Variants in AGK observed in about 807,000 individuals in gnomAD.
AGK encodes acylglycerol kinase, also known as acylglycerol kinase, mitochondrial.
In AGK, 52 loss-of-function variants were observed where a neutral mutation model predicts 66.4. The observed-to-expected ratio is 0.78, with a 90% confidence interval of 0.63 to 0.99. AGK has a LOEUF of 0.99. Ranked by LOEUF, AGK falls within the 50% of genes least tolerant of loss-of-function variation. The pLI, the probability that AGK is intolerant of heterozygous loss-of-function variation, is 0.00. For synonymous variants in AGK, 182 were observed against 181.1 expected (o/e 1.00, Z -0.04); for missense variants, 451 against 506.6 (o/e 0.89, Z 1.05).
intron 9 of AGK, among the ~76,000 whole-genome samples, chr7:141,622,616 G>A (rs528981218): frequency 7.9e-5 from 12 of 152,286 alleles, no homozygotes; most frequent in Middle Eastern, 3.4e-3. Flanking sequence ...AAATGTGTGC[G>A]TTGACTGCTC....
At chr7:141,574,489 A>G (rs953141370) in intron 2 of AGK, among the ~76,000 whole-genome samples, 1 of 152,212 alleles carries the variant, frequency 6.6e-6, no homozygotes, top group African/African-American at 2.4e-5. Flanking sequence ...GAAAAATTTC[A>G]TGTTCTAACA....
Position 141,655,112 on chromosome 7 carries a change from A to G in AGK, c.*2188A>G, listed in dbSNP as rs1163283229. On this transcript the variant is annotated 3_prime_UTR_variant, in exon 16 of 16. Coordinates refer to ENST00000649286, the MANE Select transcript of AGK (RefSeq NM_018238.4). ...GTGCAGAATCTGGCTTTCTTTTCTG[A>G]TAGGCTACCAGTGTGTGTTTATGTG... 1 of 152,212 alleles carries G rather than the reference A, an allele frequency of 6.6e-6. No homozygotes were observed. The highest frequency in any genetic ancestry group is 1.5e-5 in the Non-Finnish European group (1 of 68,030). 9.4% of individuals were successfully genotyped at this position (152,212 alleles called of 1,614,324 possible).
chr7:141,604,409 T>C (rs920024499), intron 5 of AGK, among the ~76,000 whole-genome samples: 36 of 138,736 alleles, frequency 2.6e-4, no homozygotes, highest in African/African-American at 3.4e-4. Context: ...TATATACACA[T>C]ACATACACAC....
intron 9 of AGK, among the ~76,000 whole-genome samples, 179 bp downstream of exon 9, chr7:141,621,980 T>C (rs1796835671): frequency 2.0e-5 from 3 of 152,246 alleles, no homozygotes; most frequent in Admixed American, 2.0e-4. Context: ...CTAGTTGTTA[T>C]CACTAATTAA....
At chr7:141,599,341 T>C (rs373455719) in intron 4 of AGK, 7 of 151,458 alleles carry the variant, frequency 4.6e-5, no homozygotes, top group Non-Finnish European at 3.0e-5. Flanking sequence ...TGGAAATTGC[T>C]AAAAGTACCT....
chr7:141,638,011 A>G (rs569060907), intron 11 of AGK, among the ~76,000 whole-genome samples: 4 of 152,198 alleles, frequency 2.6e-5, no homozygotes, highest in Non-Finnish European at 5.9e-5. Context: ...TTGTGAGTGC[A>G]TTTAGGAAGA....
chr7:141,654,042 G>GCCAAGAATCCTATCATAATGTAATCTA lies in AGK; in HGVS notation c.*1119_*1145dup. ...TTCTGTATTTCCATACCACTTTTCA[G>GCCAAGAATCCTATCATAATGTAATCTA]CCAAGAATCCTATCATAATGTAATC... On this transcript the variant is annotated 3_prime_UTR_variant, in exon 16 of 16. Coordinates refer to ENST00000649286, the MANE Select transcript of AGK (RefSeq NM_018238.4). 1 of 151,728 alleles carries GCCAAGAATCCTATCATAATGTAATCTA rather than the reference G, an allele frequency of 6.6e-6. No individual in the cohort carries two copies. Among genetic ancestry groups the GCCAAGAATCCTATCATAATGTAATCTA allele is most frequent in the East Asian group, 1.9e-4 (1 of 5,182 alleles). 9.4% of individuals were successfully genotyped at this position (151,728 alleles called of 1,614,324 possible).
intron 10 of AGK, among the ~76,000 whole-genome samples, chr7:141,635,486 C>A (rs1797151406): frequency 6.6e-6 from 1 of 152,094 alleles, no homozygotes; most frequent in Admixed American, 6.6e-5. Context: ...CACAAAAAAT[C>A]AGATGATCAA....
rs532381581 is a variant in AGK at position 141,581,009 on chromosome 7, C to T, written c.102-12137C>T. ...GATGGCAAAACCAGGTATCCAAAGG[C>T]GAAAGTGTCCAACCATGGCCAGGAA... On this transcript the variant is annotated intron_variant, in intron 2 of 15. Transcript: ENST00000649286. Among the ~76,000 whole-genome samples, 97 of 151,856 alleles carry T rather than the reference C, an allele frequency of 6.4e-4. 2 individuals are homozygous for T. Among genetic ancestry groups the T allele is most frequent in the African/African-American group, 2.2e-3 (91 of 41,258 alleles).
At chr7:141,553,279 C>T (rs538154180) in intron 1 of AGK, among the ~76,000 whole-genome samples, 2 of 152,296 alleles carry the variant, frequency 1.3e-5, no homozygotes, top group South Asian at 4.1e-4. Flanking sequence ...TCTCCTAATA[C>T]CATCTCAATG....
intron 2 of AGK, among the ~76,000 whole-genome samples, chr7:141,574,766 T>G (rs988797945): frequency 6.6e-6 from 1 of 152,224 alleles, no homozygotes; most frequent in African/African-American, 2.4e-5. Context: ...AAGTAGTAGC[T>G]TGTTCCACCT....
At chr7:141,645,478 A>G (rs1251066423) in intron 13 of AGK, among the ~76,000 whole-genome samples, 1 of 152,158 alleles carries the variant, frequency 6.6e-6, no homozygotes, top group Non-Finnish European at 1.5e-5. Flanking sequence ...GCCAATGCAA[A>G]TAGTGCAAGG....
intron 5 of AGK, among the ~76,000 whole-genome samples, chr7:141,604,374 G>GTACATATATATATA: frequency 8.8e-6 from 1 of 113,826 alleles, no homozygotes; most frequent in South Asian, 2.9e-4. Flanking sequence ...GTGTGTGTGT[G>GTACATATATATATA]TATATATATA....
In AGK at chr7:141,654,155, TTAAG is replaced by T. The variant is rs886062028; in HGVS notation, c.*1233_*1236del. 2.0e-5 allele frequency: 3 copies of T among 152,168 alleles called. No homozygotes were observed. The highest frequency in any genetic ancestry group is 1.9e-4 in the East Asian group (1 of 5,202). The allele number at this position is 152,168 out of a possible 1,614,324, so 9.4% of individuals were successfully genotyped here. A position where few individuals can be genotyped will look rare whatever the true frequency, so the allele number is the denominator to read the frequency against. On this transcript the variant is annotated 3_prime_UTR_variant, in exon 16 of 16. Transcript: ENST00000649286. ...GGAAATTTTTTTTTTAGCTCTTGCT[TTAAG>T]TGTTTGTTTGTTATCTCAGTCCAGA... is the stretch of plus-strand genomic sequence containing the variant.
intron 4 of AGK, among the ~76,000 whole-genome samples, chr7:141,597,551 CAATTCT>C (rs994354841): frequency 6.6e-6 from 1 of 151,832 alleles, no homozygotes; most frequent in Non-Finnish European, 1.5e-5. Context: ...ATGTCGAGAA[CAATTCT>C]TTTTGGCTTT....
chr7:141,637,096 T>C, intron 11 of AGK, 79 bp downstream of exon 11: 2 of 1,203,386 alleles, frequency 1.7e-6, no homozygotes, highest in Non-Finnish European at 2.4e-6. Context: ...GTATTTTTTT[T>C]TAATTCCTTG....
chr7:141,578,683 T>C (rs1433304171), intron 2 of AGK, among the ~76,000 whole-genome samples: 8 of 151,446 alleles, frequency 5.3e-5, no homozygotes, highest in Admixed American at 4.6e-4. Flanking sequence ...CATTGTGGGG[T>C]TGTTAGAAGG....
intron 13 of AGK, among the ~76,000 whole-genome samples, chr7:141,643,727 A>G (rs956724489): frequency 1.1e-4 from 17 of 152,118 alleles, no homozygotes; most frequent in African/African-American, 4.1e-4. Context: ...ATTTTACATA[A>G]TATTATGTAA....
intron 15 of AGK, among the ~76,000 whole-genome samples, chr7:141,651,912 G>T (rs1266337085): frequency 6.6e-6 from 1 of 152,196 alleles, no homozygotes; most frequent in Non-Finnish European, 1.5e-5. Flanking sequence ...AATGCAGAAG[G>T]TTACTACATT....
Sources: allele counts gnomAD v4.1 joint callset (sites outside exome capture counted in the v4.1 genomes callset), GRCh38; gene constraint gnomAD v4.1.1; transcripts MANE v1.5; gene names NCBI Gene and HGNC (gene_info 2026-07-23, HGNC 2026-07-21).